The following TEX13A variants were observed in gnomAD, a reference collection of about 807,000 sequenced individuals.
TEX13A encodes the protein testis expressed 13A.
In TEX13A, 8 loss-of-function variants were observed where a neutral mutation model predicts 7.1. That is an observed-to-expected ratio of 1.12 (90% CI 0.66 to 2.03). The LOEUF is 2.03. Among genes scored for constraint, TEX13A ranks in the 30% most tolerant of loss-of-function variants. The pLI is 0.00. For synonymous variants in TEX13A, 151 were observed against 134.2 expected (o/e 1.13, Z -0.87); for missense variants, 362 against 332.2 (o/e 1.09, Z -0.70).
chrX:105,219,239 G>C lies in TEX13A; in HGVS notation c.955C>G (p.Pro319Ala). The stretch of plus-strand genomic sequence containing the variant: ...GGTGCTGTGACTGTTGCTTGTGGAG[G>C]GGATATAGTGGGTATGTCTGAGAAG... ...SSFSDIPTIS[P>A]PQATVTAPVP... The change falls in exon 3 of 3, where the codon CCT becomes GCT. Residue 319 changes from proline to alanine, a missense_variant. Transcript: ENST00000600991. 8.3e-7 allele frequency: 1 copy of C among 1,210,982 alleles called. No individual in the cohort carries two copies. Among genetic ancestry groups the C allele is most frequent in the Non-Finnish European group, 1.1e-6 (1 of 895,131 alleles).
rs782165401 is a variant in TEX13A, at chrX:105,219,969, T to C, written c.429A>G (p.Arg143=). Reference sequence around the variant, plus strand: ...GGAGCGGCTTCCAACTCACCTTGTCTCTCTCTTTCTGCACCTCCACGAGGC... The same window carrying C: ...GGAGCGGCTTCCAACTCACCTTGTCCCTCTCTTTCTGCACCTCCACGAGGC... The part of the protein sequence containing the change: ...QTSLVEVQKE[R]DKELVSPHEW... Residue 143 remains arginine, a synonymous_variant, in exon 2 of 3, where the codon AGA becomes AGG. Transcript: ENST00000600991. 8.3e-7 allele frequency: 1 copy of C among 1,197,903 alleles called. No individual in the cohort carries two copies. The highest frequency in any genetic ancestry group is 1.1e-6 in the Non-Finnish European group (1 of 887,958).
chrX:105,218,976 T>C lies in TEX13A; in HGVS notation c.1218A>G (p.Gln406=). 3.3e-6 allele frequency: 4 copies of C among 1,208,940 alleles called. No homozygotes were observed. The highest frequency in any genetic ancestry group is 3.5e-5 in the South Asian group (2 of 56,691). The change falls in exon 3 of 3, where the codon CAA becomes CAG. Residue 406 remains glutamine, a synonymous_variant. Coordinates refer to ENST00000600991, the MANE Select transcript of TEX13A (RefSeq NM_031274.5). ...TGCATTTCTGCACTCAATGAGGTTTTTGCAGCCAGATTCCCTTCCCACAGT... is the reference window on the plus strand; with the variant it reads ...TGCATTTCTGCACTCAATGAGGTTTCTGCAGCCAGATTCCCTTCCCACAGT... ...CFDCGKGIWL[Q]KPH
Position 105,220,138 on chromosome X carries a change from C to T in TEX13A, c.260G>A (p.Arg87Lys), listed in dbSNP as rs782614639. 2 of 1,210,378 alleles carry T rather than the reference C, an allele frequency of 1.7e-6. No individual in the cohort carries two copies. The highest frequency in any genetic ancestry group is 3.0e-5 in the East Asian group (1 of 33,720). The change falls in exon 2 of 3, where the codon AGG becomes AAG. Residue 87 changes from arginine (R) to lysine (K), a missense_variant. Coordinates refer to ENST00000600991, the MANE Select transcript of TEX13A (RefSeq NM_031274.5). The stretch of plus-strand genomic sequence containing the variant: ...GCCGTGCAGCCACCGCACCCTGTGC[C>T]TTTGTAGCTGTGCCTGCCTGTGGGC... ...RFAHRQAQLQ[R>K]HRVRWLHGFA... is the part of the protein sequence containing the mutation.
In TEX13A at chrX:105,218,994, C is replaced by T; in HGVS notation, c.1200G>A (p.Gly400=). Residue 400 remains glycine, a synonymous_variant, in exon 3 of 3, where the codon GGG becomes GGA. Coordinates refer to ENST00000600991, the MANE Select transcript of TEX13A (RefSeq NM_031274.5). ...FSRRDTCFDC[G]KGIWLQKPH ...GAGGTTTTTGCAGCCAGATTCCCTT[C>T]CCACAGTCGAAGCAAGTATCCCTCC... 1 of 1,210,373 alleles carries T rather than the reference C, an allele frequency of 8.3e-7. No individual in the cohort carries two copies. Among genetic ancestry groups the T allele is most frequent in the East Asian group, 3.0e-5 (1 of 33,805 alleles).
At position 105,219,695 on chromosome X, in the gene TEX13A, C is replaced by T; in HGVS notation, c.499G>A (p.Gly167Arg). Residue 167 changes from glycine to arginine, a missense_variant, in exon 3 of 3, where the codon GGG becomes AGG. By Grantham distance (125) the Gly-to-Arg change is moderately radical. Coordinates refer to ENST00000600991, the MANE Select transcript of TEX13A (RefSeq NM_031274.5). ...TCAGCTGCTCCTTCTGTGCAAACCC[C>T]TCCGGCAGTGGCCAGGCCTGGCCAC... is the stretch of plus-strand genomic sequence containing the variant. ...AGWPGLATAGGVCTEGAAEEE... is the reference protein window; with the variant it reads ...AGWPGLATAGRVCTEGAAEEE... 1 of 1,209,891 alleles carries T rather than the reference C, an allele frequency of 8.3e-7. No homozygotes were observed. The highest frequency in any genetic ancestry group is 1.1e-6 in the Non-Finnish European group (1 of 895,386).
chrX:105,219,271 A>G lies in TEX13A; in HGVS notation c.923T>C (p.Phe308Ser). The change falls in exon 3 of 3, where the codon TTT becomes TCT. Residue 308 changes from phenylalanine to serine, a missense_variant. Phe to Ser is a radical substitution (Grantham distance 155, BLOSUM62 -2). Coordinates refer to ENST00000600991, the MANE Select transcript of TEX13A (RefSeq NM_031274.5). The part of the protein sequence containing the change: ...ASYSYSYSSP[F>S]SSFSDIPTIS... ...AGTGGGTATGTCTGAGAAGGAGGAA[A>G]AAGGGCTTGAGTATGAGTATGAGTA... The G allele has an allele frequency of 2.5e-6, 3 of 1,210,980 alleles. No homozygotes were observed. The highest frequency in any genetic ancestry group is 3.4e-6 in the Non-Finnish European group (3 of 895,071).
In TEX13A at chrX:105,220,232, C is replaced by T; in HGVS notation, c.166G>A (p.Asp56Asn). The T allele has an allele frequency of 1.7e-6, 2 of 1,211,813 alleles. No homozygotes were observed. Among genetic ancestry groups the T allele is most frequent in the Non-Finnish European group, 2.2e-6 (2 of 895,451 alleles). ...TTGACCTCACTGGGCACCTCGCTGT[C>T]CTCCAGTATGGCCCTCAGCTTGTCT... is the stretch of plus-strand genomic sequence containing the variant. ...VEDKLRAILE[D>N]SEVPSEVKEA... The change falls in exon 2 of 3, where the codon GAC (aspartate) becomes AAC (asparagine). Residue 56 changes from aspartate to asparagine, a missense_variant. Asp to Asn is a conservative substitution (Grantham distance 23, BLOSUM62 1). Coordinates refer to ENST00000600991, the MANE Select transcript of TEX13A (RefSeq NM_031274.5).
In TEX13A at chrX:105,219,292, G is replaced by T. The variant is rs781898459; in HGVS notation, c.902C>A (p.Ser301Ter). ...GGAAAAAGGGCTTGAGTATGAGTAT[G>T]AGTATGAGGCAGGGAGCTGGACAGG... ...PLPVQLPASY[S>*]YSYSSPFSSF... is the part of the protein sequence containing the mutation. Residue 301 changes from serine (S) to a stop codon, truncating the protein, a stop_gained, in exon 3 of 3, where the codon TCA (serine) becomes TAA (stop). Transcript: ENST00000600991. LOFTEE classifies it low-confidence loss of function (END_TRUNC). The T allele has an allele frequency of 1.7e-6, 2 of 1,210,933 alleles. No individual in the cohort carries two copies. The highest frequency in any genetic ancestry group is 2.2e-6 in the Non-Finnish European group (2 of 894,756).
chrX:105,220,079 A>G lies in TEX13A; in HGVS notation c.319T>C (p.Leu107=). The part of the protein sequence containing the change: ...AKLHKSAAQA[L]ASDLKKLREQ... ...CTGAGCTTCTTCAGGTCTGATGCCA[A>G]GGCCTGTGCGGCTGATTTGTGCAGT... Residue 107 remains leucine (L), a synonymous_variant, in exon 2 of 3, where the codon TTG becomes CTG. Transcript: ENST00000600991. The G allele has an allele frequency of 8.3e-7, 1 of 1,211,403 alleles. No homozygotes were observed. Among genetic ancestry groups the G allele is most frequent in the East Asian group, 3.0e-5 (1 of 33,770 alleles).
At position 105,220,115 on chromosome X, in the gene TEX13A, C is replaced by T. The variant is rs781858444; in HGVS notation, c.283G>A (p.Gly95Ser). 1.7e-6 allele frequency: 2 copies of T among 1,211,050 alleles called. No homozygotes were observed. The highest frequency in any genetic ancestry group is 2.2e-6 in the Non-Finnish European group (2 of 895,219). Residue 95 changes from glycine (G) to serine (S), a missense_variant, in exon 2 of 3, where the codon GGC becomes AGC. Physicochemically the swap from Gly to Ser is moderately conservative, Grantham distance 56. Coordinates refer to ENST00000600991, the MANE Select transcript of TEX13A (RefSeq NM_031274.5). Reference sequence around the variant, plus strand: ...GCTGATTTGTGCAGTTTGGCGAAGCCGTGCAGCCACCGCACCCTGTGCCTT... The same window carrying T: ...GCTGATTTGTGCAGTTTGGCGAAGCTGTGCAGCCACCGCACCCTGTGCCTT... ...LQRHRVRWLH[G>S]FAKLHKSAAQ...
In TEX13A at chrX:105,220,058, GCTT is replaced by G; in HGVS notation, c.337_339del (p.Lys113del). ...CGTTCCGTCTCCTGCTGCTCCCTGA[GCTT>G]CTTCAGGTCTGATGCCAAGGCCTGT... On this transcript the variant is annotated inframe_deletion, in exon 2 of 3. Transcript: ENST00000600991. 1 of 1,211,666 alleles carries G rather than the reference GCTT, an allele frequency of 8.3e-7. No individual in the cohort carries two copies. Among genetic ancestry groups the G allele is most frequent in the Non-Finnish European group, 1.1e-6 (1 of 895,325 alleles).
At position 105,220,343 on chromosome X, in the gene TEX13A, C is replaced by A. The variant is rs149930638; in HGVS notation, c.55G>T (p.Ala19Ser). 8.1e-4 allele frequency: 970 copies of A among 1,203,717 alleles called. 4 individuals are homozygous for A. In the African/African-American group the frequency reaches 0.014, roughly 17 times the overall value. ...SSGFRHSNVV[A>S]FINEKMARHT... ...CTGGCCATTTTCTCGTTGATGAAGG[C>A]CACCACGTTGCTATGCCGGAACCCG... Residue 19 changes from alanine (A) to serine (S), a missense_variant, in exon 2 of 3, where the codon GCC (alanine) becomes TCC (serine). Transcript: ENST00000600991.
Position 105,219,726 on chromosome X carries a change from C to T in TEX13A, c.468G>A (p.Gly156=). 2.5e-6 allele frequency: 3 copies of T among 1,206,984 alleles called. No homozygotes were observed. The highest frequency in any genetic ancestry group is 3.4e-6 in the Non-Finnish European group (3 of 894,812). ...ELVSPHEWEQ[G]AGWPGLATAG... ...CAGTGGCCAGGCCTGGCCACCCTGC[C>T]CCCTGCTCCCACTCATGGGGAGACA... Residue 156 remains glycine (G), a synonymous_variant, in exon 3 of 3, where the codon GGG becomes GGA. Coordinates refer to ENST00000600991, the MANE Select transcript of TEX13A (RefSeq NM_031274.5).
chrX:105,220,489 A>C (rs6621945), intron 1 of TEX13A, 60 bp from the exon 2 acceptor site: 2 of 842,147 alleles, frequency 2.4e-6, no homozygotes, highest in African/African-American at 4.3e-5. Context: ...CCCCTCATCC[A>C]TCTTCTCCCG....
In TEX13A at chrX:105,219,003, G is replaced by A. The variant is rs781785246; in HGVS notation, c.1191C>T (p.Phe397=). The change falls in exon 3 of 3, where the codon TTC becomes TTT. Residue 397 remains phenylalanine, a synonymous_variant. Coordinates refer to ENST00000600991, the MANE Select transcript of TEX13A (RefSeq NM_031274.5). Reference sequence around the variant, plus strand: ...GCAGCCAGATTCCCTTCCCACAGTCGAAGCAAGTATCCCTCCGTGAAAAAT... The same window carrying A: ...GCAGCCAGATTCCCTTCCCACAGTCAAAGCAAGTATCCCTCCGTGAAAAAT... The part of the protein sequence containing the change: ...AVNFSRRDTC[F]DCGKGIWLQK... 2.1e-5 allele frequency: 25 copies of A among 1,210,548 alleles called. No individual in the cohort carries two copies. The highest frequency in any genetic ancestry group is 2.7e-5 in the Non-Finnish European group (24 of 894,918).
At position 105,219,677 on chromosome X, in the gene TEX13A, C is replaced by T; in HGVS notation, c.517G>A (p.Ala173Thr). 4 of 1,210,551 alleles carry T rather than the reference C, an allele frequency of 3.3e-6. No homozygotes were observed. Among genetic ancestry groups the T allele is most frequent in the Non-Finnish European group, 4.5e-6 (4 of 895,404 alleles). ...GCCGCCTCTTCTTCCTCCTCAGCTG[C>T]TCCTTCTGTGCAAACCCCTCCGGCA... ...ATAGGVCTEG[A>T]AEEEEEAAVA... Residue 173 changes from alanine to threonine, a missense_variant, in exon 3 of 3, where the codon GCA becomes ACA. By Grantham distance (58) the Ala-to-Thr change is moderately conservative. Transcript: ENST00000600991.
Position 105,220,000 on chromosome X carries a change from T to G in TEX13A, c.398A>C (p.Gln133Pro), listed in dbSNP as rs1556178319. ...TTTCTGCACCTCCACGAGGCTGGTC[T>G]GGGCCATTCTTAGCCGGGAGGCCGC... is the stretch of plus-strand genomic sequence containing the variant. ...KEAASRLRMA[Q>P]TSLVEVQKER... The change falls in exon 2 of 3, where the codon CAG (glutamine) becomes CCG (proline). Residue 133 changes from glutamine (Q) to proline (P), a missense_variant. Physicochemically the swap from Gln to Pro is moderately conservative, Grantham distance 76. Transcript: ENST00000600991. The G allele has an allele frequency of 8.3e-7, 1 of 1,208,547 alleles. No individual in the cohort carries two copies. The highest frequency in any genetic ancestry group is 3.0e-5 in the East Asian group (1 of 33,713).
Position 105,219,080 on chromosome X carries a change from G to A in TEX13A, c.1114C>T (p.Pro372Ser). ...RYSEPHQQRP[P>S]VYRRPGDWDC... ...CAGTCCCCTGGCCTGCGATATACTG[G>A]AGGTCTTTGCTGATGAGGTTCGGAG... Residue 372 changes from proline to serine, a missense_variant, in exon 3 of 3, where the codon CCA (proline) becomes TCA (serine). Transcript: ENST00000600991. 8.3e-7 allele frequency: 1 copy of A among 1,211,092 alleles called. No individual in the cohort carries two copies. Among genetic ancestry groups the A allele is most frequent in the African/African-American group, 1.7e-5 (1 of 57,652 alleles).
rs781954825 is a variant in TEX13A at position 105,220,167 on chromosome X, G to A, written c.231C>T (p.Arg77=). ...GTAGCTGTGCCTGCCTGTGGGCAAA[G>A]CGCACTCCCAAGGCCAGGCTGCCCC... is the stretch of plus-strand genomic sequence containing the variant. The part of the protein sequence containing the change: ...CTWGSLALGV[R]FAHRQAQLQR... Residue 77 remains arginine, a synonymous_variant, in exon 2 of 3, where the codon CGC becomes CGT. Transcript: ENST00000600991. 7.4e-6 allele frequency: 9 copies of A among 1,210,264 alleles called. No individual in the cohort carries two copies. In the South Asian group the frequency reaches 1.6e-4, roughly 21 times the overall value.
Sources: allele counts gnomAD v4.1 joint callset, GRCh38; gene constraint gnomAD v4.1.1; transcripts MANE v1.5; gene names NCBI Gene and HGNC (gene_info 2026-07-23, HGNC 2026-07-21).